Variants in ARHGEF3 observed in about 807,000 individuals in gnomAD.
The protein encoded by ARHGEF3 is 59.8 kDA protein.
ARHGEF3 carries 28 observed loss-of-function variants against 63.2 expected under a neutral mutation model. That is an observed-to-expected ratio of 0.44 (90% CI 0.33 to 0.61). The LOEUF is 0.61. ARHGEF3 is among the 20% of genes least tolerant of loss of function. The pLI is 0.03. For missense variants in ARHGEF3, 533 were observed against 659.3 expected, an observed-to-expected ratio of 0.81 and a Z score of 2.10; for synonymous variants, 266 against 254.2, an observed-to-expected ratio of 1.05 and a Z score of -0.44.
intron 4 of ARHGEF3, among the ~76,000 whole-genome samples, chr3:56,821,381 AG>A (rs1203556964): frequency 6.6e-6 from 1 of 152,228 alleles, no homozygotes; most frequent in Non-Finnish European, 1.5e-5. Flanking sequence ...GCAGATCACA[AG>A]GTATCATGAT....
chr3:56,855,768 G>A (rs756708370), intron 4 of ARHGEF3, among the ~76,000 whole-genome samples: 3 of 151,532 alleles, frequency 2.0e-5, no homozygotes, highest in Non-Finnish European at 2.9e-5. Flanking sequence ...ATACAACTAC[G>A]ACACTAAAGT....
intron 2 of ARHGEF3, among the ~76,000 whole-genome samples, chr3:57,004,035 C>T (rs1264185349): frequency 6.6e-6 from 1 of 152,212 alleles, no homozygotes; most frequent in African/African-American, 2.4e-5. Context: ...GACCCTGACC[C>T]CAGTCCTTGC....
intron 4 of ARHGEF3, among the ~76,000 whole-genome samples, chr3:56,877,207 C>A (rs1450670447): frequency 6.6e-6 from 1 of 152,030 alleles, no homozygotes; most frequent in African/African-American, 2.4e-5. Context: ...AAAGTTGGAA[C>A]TTATCTAAAT....
intron 4 of ARHGEF3, among the ~76,000 whole-genome samples, chr3:56,808,582 C>A (rs2037950174): frequency 6.6e-6 from 1 of 151,828 alleles, no homozygotes; most frequent in Admixed American, 6.6e-5. Context: ...AGAGTGAGAA[C>A]CTGTCTCAAA....
Position 57,010,254 on chromosome 3 carries a change from A to G in ARHGEF3, c.62+24834T>C, listed in dbSNP as rs527600935. Among the ~76,000 whole-genome samples, 20 of 152,220 alleles carry G rather than the reference A, an allele frequency of 1.3e-4. No individual in the cohort carries two copies. The East Asian group carries it at 2.5e-3, about 19-fold the overall frequency. On this transcript the variant is annotated intron_variant, in intron 2 of 12. Coordinates refer to the ARHGEF3 transcript ENST00000338458. ...CAGATCACGAGGTCAGGAGATAGAG[A>G]CCATCCTGGCTAACATGGTGAAACC...
chr3:57,056,489 C>T (rs757665976), intron 1 of ARHGEF3, among the ~76,000 whole-genome samples: 1 of 150,790 alleles, frequency 6.6e-6, no homozygotes, highest in South Asian at 2.1e-4. Flanking sequence ...AGGGAGCTGG[C>T]CCTAAGAGAA....
chr3:56,895,407 C>T (rs1007089409), intron 3 of ARHGEF3, among the ~76,000 whole-genome samples: 31 of 152,170 alleles, frequency 2.0e-4, no homozygotes, highest in Middle Eastern at 3.4e-3. Context: ...GCCTCCAGTG[C>T]GGACATACAG....
At chr3:56,809,299 T>G (rs914148808) in intron 4 of ARHGEF3, among the ~76,000 whole-genome samples, 5 of 152,078 alleles carry the variant, frequency 3.3e-5, no homozygotes, top group Non-Finnish European at 7.4e-5. Context: ...CCAGTGAAAA[T>G]TAAAATTTCA....
intron 2 of ARHGEF3, among the ~76,000 whole-genome samples, chr3:56,764,637 C>T (rs760553110): frequency 6.6e-5 from 10 of 151,876 alleles, no homozygotes; most frequent in Non-Finnish European, 7.4e-5. Context: ...TTGGAGAAGA[C>T]GATATGAGGC....
chr3:56,841,568 C>A (rs1222790685), intron 4 of ARHGEF3, among the ~76,000 whole-genome samples: 1 of 152,118 alleles, frequency 6.6e-6, no homozygotes, highest in Admixed American at 6.5e-5. Flanking sequence ...TAAGTTTAAA[C>A]ATAAGCACCC....
At chr3:56,790,670 G>A (rs900578918) in intron 1 of ARHGEF3, among the ~76,000 whole-genome samples, 3 of 152,188 alleles carry the variant, frequency 2.0e-5, no homozygotes, top group African/African-American at 7.2e-5. Context: ...CGTGACTTGC[G>A]ATTATGAAAT....
At chr3:56,867,050 A>G (rs2040273558) in intron 4 of ARHGEF3, among the ~76,000 whole-genome samples, 1 of 152,228 alleles carries the variant, frequency 6.6e-6, no homozygotes, top group South Asian at 2.1e-4. Context: ...TGCTTTGTAT[A>G]TCACAAGGTC....
intron 2 of ARHGEF3, among the ~76,000 whole-genome samples, chr3:57,006,602 A>C (rs1702478561): frequency 6.6e-6 from 1 of 151,234 alleles, no homozygotes; most frequent in African/African-American, 2.4e-5. Flanking sequence ...TCAGAATCTC[A>C]CCCCACCCAC....
intron 3 of ARHGEF3, among the ~76,000 whole-genome samples, chr3:56,900,802 T>C (rs901139263): frequency 1.9e-4 from 29 of 152,200 alleles, no homozygotes; most frequent in African/African-American, 7.0e-4. Context: ...ACATAAGTAA[T>C]AAAATAGAGC....
At chr3:56,866,091 G>A (rs563147751) in intron 4 of ARHGEF3, among the ~76,000 whole-genome samples, 2 of 152,286 alleles carry the variant, frequency 1.3e-5, no homozygotes, top group South Asian at 4.1e-4. Context: ...CTTGAGCCCA[G>A]AAGGTCAAGG....
At chr3:56,841,179 A>G (rs1684985577) in intron 4 of ARHGEF3, among the ~76,000 whole-genome samples, 2 of 152,200 alleles carry the variant, frequency 1.3e-5, no homozygotes, top group African/African-American at 4.8e-5. Context: ...GCCCACTGTG[A>G]CATCTCAATG....
chr3:56,996,174 C>T (rs1031055074), intron 2 of ARHGEF3, among the ~76,000 whole-genome samples: 2 of 152,164 alleles, frequency 1.3e-5, no homozygotes, highest in African/African-American at 4.8e-5. Flanking sequence ...CTGGCATCAC[C>T]ATCTGCCCCC....
chr3:56,985,519 C>T (rs753928362), intron 2 of ARHGEF3, among the ~76,000 whole-genome samples: 7 of 152,236 alleles, frequency 4.6e-5, no homozygotes, highest in African/African-American at 9.7e-5. Flanking sequence ...CATATTCATT[C>T]GCCGCCTCCA....
intron 4 of ARHGEF3, among the ~76,000 whole-genome samples, chr3:56,870,260 A>G (rs1396073663): frequency 6.6e-6 from 1 of 152,208 alleles, no homozygotes; most frequent in Non-Finnish European, 1.5e-5. Context: ...ACTGTGGTAC[A>G]TCTATACAAT....
Sources: gnomAD v4.1 joint callset for allele counts (sites outside exome capture counted in the v4.1 genomes callset) on GRCh38, gnomAD v4.1.1 for gene constraint, MANE v1.5 for transcripts, NCBI Gene and HGNC (gene_info 2026-07-23, HGNC 2026-07-21) for gene names.